Variants in TOM1 observed in about 807,000 individuals in gnomAD.
The protein encoded by TOM1 is target of myb1 membrane trafficking protein, also known as target of Myb protein 1.
Under a neutral mutation model 61.3 loss-of-function variants are expected in TOM1, and 38 were observed. That is an observed-to-expected ratio of 0.62 (90% confidence interval 0.48 to 0.81). The LOEUF (loss-of-function observed/expected upper bound fraction) is 0.81, where lower values mean the gene tolerates loss of function less well. Among genes scored for constraint, TOM1 ranks in the 40% least tolerant of loss-of-function variants. TOM1 has a pLI of 0.00. For synonymous variants in TOM1, 270 were observed against 268.8 expected (o/e 1.00, Z -0.04); for missense variants, 591 against 659.6 (o/e 0.90, Z 1.14).
At position 35,318,077 on chromosome 22, in the gene TOM1, G is replaced by C; in HGVS notation, c.137+116G>C. ...GCCCCATTGCTGCCATAGCCACCAAGTCTGACCCAACCCGCTTGGCTGCAG... is the reference window on the plus strand; with the variant it reads ...GCCCCATTGCTGCCATAGCCACCAACTCTGACCCAACCCGCTTGGCTGCAG... On this transcript the variant is annotated intron_variant, in intron 2 of 14. Transcript: ENST00000449058. 4 of 942,932 alleles carry C rather than the reference G, an allele frequency of 4.2e-6. No individual in the cohort carries two copies. In the South Asian group the frequency reaches 5.3e-5, roughly 13 times the overall value. The allele number at this position is 942,932 out of a possible 1,614,324, so 58.4% of individuals were successfully genotyped here. A position where few individuals can be genotyped will look rare whatever the true frequency, so the allele number is the denominator to read the frequency against.
At chr22:35,300,848 TA>T (rs1236814796) in intron 1 of TOM1, among the ~76,000 whole-genome samples, 2 of 152,092 alleles carry the variant, frequency 1.3e-5, no homozygotes, top group Non-Finnish European at 2.9e-5. Flanking sequence ...AATTCCTTAA[TA>T]AATGTGAAAT....
At chr22:35,321,138 C>G in intron 2 of TOM1, among the ~76,000 whole-genome samples, 1 of 151,854 alleles carries the variant, frequency 6.6e-6, no homozygotes. Flanking sequence ...TCATTTGAGC[C>G]CAGGAGTTTG....
intron 6 of TOM1, among the ~76,000 whole-genome samples, chr22:35,327,059 C>T (rs564141533): frequency 1.7e-4 from 26 of 152,202 alleles, no homozygotes; most frequent in African/African-American, 5.5e-4. Flanking sequence ...CGGTTGGTAG[C>T]GCCTCTGTGA....
At chr22:35,330,614 G>GA in intron 8 of TOM1, 134 bp downstream of exon 8, 2 of 903,480 alleles carry the variant, frequency 2.2e-6, no homozygotes, top group South Asian at 1.7e-5. Flanking sequence ...GGCTCCTAAG[G>GA]GCCTGTGCCC....
Position 35,323,842 on chromosome 22 carries a change from C to T in TOM1, c.576C>T (p.Gly192=). 6.2e-7 allele frequency: 1 copy of T among 1,612,752 alleles called. No individual in the cohort carries two copies. The highest frequency in any genetic ancestry group is 8.5e-7 in the Non-Finnish European group (1 of 1,179,284). ...GTDSSQQEDS[G]QHAAPLPAPP... is the part of the protein sequence containing the mutation. ...ACTCCAGCCAGCAAGAGGACTCTGG[C>T]CAGCATGCTGCCCCTCTGCCCGCCC... The change falls in exon 6 of 15, where the codon GGC becomes GGT. Residue 192 remains glycine, a synonymous_variant. Coordinates refer to ENST00000449058, the MANE Select transcript of TOM1 (RefSeq NM_005488.3). The surrounding 1 kb of genome is among the most constrained non-coding windows in gnomAD (Gnocchi z 4.2).
chr22:35,323,855 C>A lies in TOM1; in HGVS notation c.589C>A (p.Pro197Thr). ...AGAGGACTCTGGCCAGCATGCTGCC[C>A]CTCTGCCCGCCCCGCCCATACTCTC... ...QQEDSGQHAA[P>T]LPAPPILSGD... The change falls in exon 6 of 15, where the codon CCT becomes ACT. Residue 197 changes from proline to threonine, a missense_variant. Pro to Thr is a conservative substitution (Grantham distance 38). Transcript: ENST00000449058. The surrounding 1 kb of genome is among the most constrained non-coding windows in gnomAD (Gnocchi z 4.2). 1.2e-6 allele frequency: 2 copies of A among 1,611,612 alleles called. No individual in the cohort carries two copies. The highest frequency in any genetic ancestry group is 1.7e-6 in the Non-Finnish European group (2 of 1,178,648).
intron 2 of TOM1, among the ~76,000 whole-genome samples, chr22:35,320,310 G>A (rs116691231): frequency 9.6e-4 from 146 of 152,246 alleles, no homozygotes; most frequent in African/African-American, 3.4e-3. Context: ...TGGGGGCCCT[G>A]CACAAAGGCT....
chr22:35,337,953 C>T (rs1381630690), intron 11 of TOM1, among the ~76,000 whole-genome samples: 2 of 152,216 alleles, frequency 1.3e-5, no homozygotes, highest in Non-Finnish European at 2.9e-5. Context: ...ACACCATAGC[C>T]GCCTCTCCTC....
intron 11 of TOM1, among the ~76,000 whole-genome samples, chr22:35,337,243 G>C (rs770575858): frequency 4.6e-5 from 7 of 152,142 alleles, no homozygotes; most frequent in Non-Finnish European, 8.8e-5. Flanking sequence ...TAGTTGTTTT[G>C]AGTGAAGGGA....
intron 1 of TOM1, among the ~76,000 whole-genome samples, chr22:35,301,325 G>A (rs1488585459): frequency 6.9e-6 from 1 of 145,516 alleles, no homozygotes; most frequent in African/African-American, 2.5e-5. Context: ...TATATTATAT[G>A]TATTTACACA....
chr22:35,320,295 G>A (rs533016193), intron 2 of TOM1, among the ~76,000 whole-genome samples: 2 of 152,300 alleles, frequency 1.3e-5, no homozygotes, highest in South Asian at 4.1e-4. Flanking sequence ...CCTTCAGGGT[G>A]CAAGTGGGGG....
At position 35,318,184 on chromosome 22, in the gene TOM1, G is replaced by A. The variant is rs1272735856; in HGVS notation, c.137+223G>A. 2.3e-5 allele frequency: 13 copies of A among 575,988 alleles called. 1 individual carries two copies. Among genetic ancestry groups the A allele is most frequent in the South Asian group, 8.5e-5 (4 of 47,140 alleles). 35.7% of individuals were successfully genotyped at this position (575,988 alleles called of 1,614,324 possible). On this transcript the variant is annotated intron_variant, in intron 2 of 14. Transcript: ENST00000449058. ...CCCCTGGGGGCTGCCACCCCACCCC[G>A]CCTCTCTTAGTGGCAGCCCAGATTC...
chr22:35,331,818 G>A (rs1442341829), intron 8 of TOM1, among the ~76,000 whole-genome samples: 1 of 151,968 alleles, frequency 6.6e-6, no homozygotes, highest in African/African-American at 2.4e-5. Flanking sequence ...AACCCAGGAG[G>A]CAGAGGTTGC....
intron 1 of TOM1, among the ~76,000 whole-genome samples, chr22:35,310,471 T>C (rs1262834755): frequency 6.6e-6 from 1 of 152,172 alleles, no homozygotes; most frequent in African/African-American, 2.4e-5. Context: ...GCAGGTGAAC[T>C]TCAACCCAGT....
chr22:35,303,852 A>G (rs1488966988), intron 1 of TOM1, among the ~76,000 whole-genome samples: 1 of 152,082 alleles, frequency 6.6e-6, no homozygotes, highest in Admixed American at 6.6e-5. Context: ...CCACTCTGTT[A>G]GTGGTTGTGC....
At chr22:35,304,482 T>G (rs1251969760) in intron 1 of TOM1, among the ~76,000 whole-genome samples, 4 of 152,154 alleles carry the variant, frequency 2.6e-5, no homozygotes, top group Admixed American at 2.6e-4. Flanking sequence ...TTGTTTTTTG[T>G]TTTTTGTTTT....
intron 2 of TOM1, 74 bp from the exon 3 acceptor site, chr22:35,321,885 C>T: frequency 7.7e-7 from 1 of 1,303,026 alleles, no homozygotes. Flanking sequence ...AGAACTGTTC[C>T]AACTCTCCAG....
At chr22:35,330,295 G>C in intron 7 of TOM1, 52 bp from the exon 8 acceptor site, 1 of 1,535,200 alleles carries the variant, frequency 6.5e-7, no homozygotes. Context: ...AAAAAGAGAC[G>C]GCCTCACTCT....
intron 1 of TOM1, among the ~76,000 whole-genome samples, 160 bp from the exon 2 acceptor site, chr22:35,317,717 A>G (rs1012660367): frequency 1.1e-4 from 17 of 151,940 alleles, no homozygotes; most frequent in African/African-American, 4.1e-4. Flanking sequence ...ATGTGTATAG[A>G]GCAGTCTCAC....
Sources: gnomAD v4.1 joint callset for allele counts (sites outside exome capture counted in the v4.1 genomes callset) on GRCh38, gnomAD v4.1.1 for gene constraint, Gnocchi (gnomAD v3.1) non-coding constraint, MANE v1.5 for transcripts, NCBI Gene and HGNC (gene_info 2026-07-23, HGNC 2026-07-21) for gene names.